The following ROBO3 variants were observed in gnomAD, a reference collection of about 807,000 sequenced individuals.
The protein encoded by ROBO3 is roundabout guidance receptor 3, also known as roundabout homolog 3.
In ROBO3, 97 loss-of-function variants were observed where a neutral mutation model predicts 160.5. That is an observed-to-expected ratio of 0.60 (90% CI 0.51 to 0.72). The LOEUF is 0.72. ROBO3 is among the 30% of genes least tolerant of loss of function. The probability of loss-of-function intolerance (pLI) is 0.00; values close to 1 mark genes in which losing one functional copy is unlikely to be tolerated. For synonymous variants in ROBO3, 780 were observed against 746.2 expected (o/e 1.05, Z -0.74); for missense variants, 1,858 against 1,846.5 (o/e 1.01, Z -0.11).
rs1565309577 is a variant in ROBO3 at position 124,870,052 on chromosome 11, T to C, written c.750T>C (p.Ala250=). ...CGGGAGAACGGGAGAGTGCGGCAGC[T>C]GAAGTCATGGTACTGGGTAGGCACA... ...NMAGERESAA[A]EVMVLERPSF... is the part of the protein sequence containing the mutation. The change falls in exon 4 of 28, where the codon GCT becomes GCC. Residue 250 remains alanine, a synonymous_variant. Transcript: ENST00000397801. 1 of 1,614,022 alleles carries C rather than the reference T, an allele frequency of 6.2e-7. No individual in the cohort carries two copies. The highest frequency in any genetic ancestry group is 8.5e-7 in the Non-Finnish European group (1 of 1,179,896).
At position 124,869,035 on chromosome 11, in the gene ROBO3, C is replaced by G; in HGVS notation, c.394C>G (p.Arg132Gly). The G allele has an allele frequency of 6.2e-6, 10 of 1,602,172 alleles. No individual in the cohort carries two copies. Among genetic ancestry groups the G allele is most frequent in the Non-Finnish European group, 7.7e-6 (9 of 1,174,964 alleles). The change falls in exon 2 of 28, where the codon CGC becomes GGC. Residue 132 changes from arginine (R) to glycine (G), a missense_variant. Coordinates refer to ENST00000397801, the MANE Select transcript of ROBO3 (RefSeq NM_022370.4). The surrounding 1 kb of genome is among the most constrained non-coding windows in gnomAD (Gnocchi z 4.2). ...ALFFPRIVHG[R>G]RARPDEGVYT... ...CTTCTTCCCGCGCATCGTGCACGGG[C>G]GCCGCGCGCGGCCGGACGAAGGTGT...
Position 124,876,104 on chromosome 11 carries a change from GC to G in ROBO3, c.2576del (p.Pro859GlnfsTer145), listed in dbSNP as rs1187031685. On this transcript the variant is annotated frameshift_variant, in exon 16 of 28. Transcript: ENST00000397801. LOFTEE classifies it high-confidence loss of function. This position sits in a 1 kb window ranked among gnomAD's most constrained non-coding sequence, Gnocchi z 5.3. ...ATSAGVGVPS[A>X]PVLVQLPSPP... is the part of the protein sequence containing the mutation. ...CAGCGCAGGCGTGGGCGTGCCCAGT[GC>G]CCCAGTGCTGGTGCAGCTGCGTGAG... 1 of 1,605,484 alleles carries G rather than the reference GC, an allele frequency of 6.2e-7. No homozygotes were observed. The highest frequency in any genetic ancestry group is 8.5e-7 in the Non-Finnish European group (1 of 1,178,682).
At chr11:124,867,630 TTAAAA>T (rs1295199509) in intron 1 of ROBO3, among the ~76,000 whole-genome samples, 2 of 152,112 alleles carry the variant, frequency 1.3e-5, no homozygotes, top group Non-Finnish European at 2.9e-5. Context: ...CTCCAGGCAA[TTAAAA>T]TAAACTCAGA....
rs1172617580 is a variant in ROBO3 at position 124,877,504 on chromosome 11, C to T, written c.2847-15C>T. 2.5e-6 allele frequency: 4 copies of T among 1,600,594 alleles called. No homozygotes were observed. The South Asian group carries it at 3.4e-5, about 13-fold the overall frequency. On this transcript the variant is annotated splice_polypyrimidine_tract_variant and intron_variant, in intron 19 of 27. Transcript: ENST00000397801. ...TCAGGCTCTCCGTCCCCAACGCTCA[C>T]CTGCTCTCCCTCAGGCCACCCATGG... is the stretch of plus-strand genomic sequence containing the variant.
At chr11:124,874,016 G>C (rs1196112601) in intron 11 of ROBO3, 54 bp from the exon 12 acceptor site, 13 of 1,606,944 alleles carry the variant, frequency 8.1e-6, no homozygotes, top group African/African-American at 4.0e-5. Context: ...AGATGGAGTA[G>C]GCAGGTTGGG....
chr11:124,872,958 T>C lies in ROBO3; in HGVS notation c.1405T>C (p.Trp469Arg). 1 of 1,613,310 alleles carries C rather than the reference T, an allele frequency of 6.2e-7. No individual in the cohort carries two copies. Among genetic ancestry groups the C allele is most frequent in the Non-Finnish European group, 8.5e-7 (1 of 1,179,830 alleles). Residue 469 changes from tryptophan (W) to arginine (R), a missense_variant, in exon 9 of 28, where the codon TGG (tryptophan) becomes CGG (arginine). By Grantham distance (101) the Trp-to-Arg change is moderately radical. Coordinates refer to ENST00000397801, the MANE Select transcript of ROBO3 (RefSeq NM_022370.4). The surrounding 1 kb of genome is among the most constrained non-coding windows in gnomAD (Gnocchi z 4.3). ...GACGCTGGTGCTTGGCTCCTCCGTG[T>C]GGCTGCCCTGCAGAGTGACTGGGAA... ...NQTLVLGSSV[W>R]LPCRVTGNPQ...
chr11:124,866,221 C>T (rs530494907), intron 1 of ROBO3, among the ~76,000 whole-genome samples: 1 of 152,176 alleles, frequency 6.6e-6, no homozygotes, highest in African/African-American at 2.4e-5. Flanking sequence ...GTGTTTGCTA[C>T]GGAGGGGATA....
chr11:124,873,060 A>C lies in ROBO3; in HGVS notation c.1507A>C (p.Asn503His). 2 of 1,613,886 alleles carry C rather than the reference A, an allele frequency of 1.2e-6. No individual in the cohort carries two copies. The highest frequency in any genetic ancestry group is 1.7e-6 in the Non-Finnish European group (2 of 1,179,832). The change falls in exon 9 of 28, where the codon AAC (asparagine) becomes CAC (histidine). Residue 503 changes from asparagine to histidine, a missense_variant. Coordinates refer to ENST00000397801, the MANE Select transcript of ROBO3 (RefSeq NM_022370.4). The surrounding 1 kb of genome is among the most constrained non-coding windows in gnomAD (Gnocchi z 4.5). ...TGACCTCCAGTTCAAGACAATGGCCAACGGTACCCTGTACATCGCCAATGT... is the reference window on the plus strand; with the variant it reads ...TGACCTCCAGTTCAAGACAATGGCCCACGGTACCCTGTACATCGCCAATGT... ...GDDLQFKTMA[N>H]GTLYIANVQE...
chr11:124,868,394 T>C, intron 1 of ROBO3: 1 of 480,778 alleles, frequency 2.1e-6, no homozygotes. Context: ...GGTCTTTCAC[T>C]GAGCAAGGAC....
chr11:124,870,709 T>TG lies in ROBO3; in HGVS notation c.1016dup (p.Ser340LeufsTer71). On this transcript the variant is annotated frameshift_variant, in exon 6 of 28. Transcript: ENST00000397801. LOFTEE classifies it high-confidence loss of function. ...ACAGTGTGGGCCGCGCTGAAGCATC[T>TG]GGCTCCCTCAGTGTTCACGGTGAGG... 2 of 1,612,030 alleles carry TG rather than the reference T, an allele frequency of 1.2e-6. No individual in the cohort carries two copies. The highest frequency in any genetic ancestry group is 8.5e-7 in the Non-Finnish European group (1 of 1,179,182).
In ROBO3 at chr11:124,881,122, G is replaced by A. The variant is rs1946571924; in HGVS notation, c.4150-117G>A. The A allele has an allele frequency of 5.3e-6, 5 of 944,808 alleles. No individual in the cohort carries two copies. The South Asian group carries it at 7.3e-5, about 14-fold the overall frequency. 58.5% of individuals were successfully genotyped at this position (944,808 alleles called of 1,614,324 possible). A position where few individuals can be genotyped will look rare whatever the true frequency, so the allele number is the denominator to read the frequency against. On this transcript the variant is annotated intron_variant, in intron 27 of 27. Transcript: ENST00000397801. ...TGAGGACAAGATGACACATAATAGA[G>A]GAGCCTGGGCTCACCGTAGGAGAAC...
chr11:124,875,836 G>A, intron 15 of ROBO3, 118 bp from the exon 16 acceptor site: 1 of 1,446,150 alleles, frequency 6.9e-7, no homozygotes, highest in Non-Finnish European at 9.6e-7. Flanking sequence ...GTTTCCAAGT[G>A]TTGTTTCCAG....
At position 124,874,867 on chromosome 11, in the gene ROBO3, G is replaced by A. The variant is rs2135332298; in HGVS notation, c.2031G>A (p.Glu677=). The A allele has an allele frequency of 2.5e-6, 4 of 1,602,108 alleles. No individual in the cohort carries two copies. Among genetic ancestry groups the A allele is most frequent in the Non-Finnish European group, 3.4e-6 (4 of 1,174,540 alleles). ...GLAEVAVRLQ[E]PIVLGPRTLQ... ...CGGAAGTGGCTGTGCGCCTGCAGGA[G>A]CCCATAGTCCTGGGACCCCGGACCC... The change falls in exon 13 of 28, where the codon GAG becomes GAA. Residue 677 remains glutamate, a synonymous_variant. Coordinates refer to ENST00000397801, the MANE Select transcript of ROBO3 (RefSeq NM_022370.4).
chr11:124,869,527 C>T lies in ROBO3; in HGVS notation c.565C>T (p.Pro189Ser), dbSNP rs888086094. 6 of 1,535,436 alleles carry T rather than the reference C, an allele frequency of 3.9e-6. No individual in the cohort carries two copies. In the Admixed American group the frequency reaches 7.8e-5, roughly 20 times the overall value. Residue 189 changes from proline to serine, a missense_variant, in exon 3 of 28, where the codon CCC (proline) becomes TCC (serine). Transcript: ENST00000397801. The surrounding 1 kb of genome is among the most constrained non-coding windows in gnomAD (Gnocchi z 4.2). ...GGAGCCAGCAGTACTGGAATGCGTG[C>T]CCCCCCGCGGCCACCCGGAGCCTTC... The part of the protein sequence containing the change: ...VGEPAVLECV[P>S]PRGHPEPSVS...
At chr11:124,870,104 T>C (rs757102627) in intron 4 of ROBO3, 36 bp downstream of exon 4, 1 of 1,613,908 alleles carries the variant, frequency 6.2e-7, no homozygotes, top group Non-Finnish European at 8.5e-7. Flanking sequence ...TGGGAACAGG[T>C]AGCCTGCAGA....
At chr11:124,877,732 C>G in intron 20 of ROBO3, 74 bp downstream of exon 20, 2 of 1,558,420 alleles carry the variant, frequency 1.3e-6, no homozygotes, top group East Asian at 2.4e-5. Context: ...GAAGGGCGCC[C>G]GGGAGCCCGG....
At chr11:124,871,607 G>A (rs1946280923) in intron 7 of ROBO3, among the ~76,000 whole-genome samples, 1 of 152,150 alleles carries the variant, frequency 6.6e-6, no homozygotes, top group Non-Finnish European at 1.5e-5. Flanking sequence ...CATCCCTTTT[G>A]AACCTTGCAA....
rs775237226 is a variant in ROBO3, at chr11:124,868,983, C to T, written c.342C>T (p.His114=). Residue 114 remains histidine, a synonymous_variant, in exon 2 of 28, where the codon CAC becomes CAT. Coordinates refer to ENST00000397801, the MANE Select transcript of ROBO3 (RefSeq NM_022370.4). ...VATVREDPRA[H]RLLLPSGALF... Reference sequence around the variant, plus strand: ...CTGTGCGGGAGGATCCGCGTGCGCACCGCCTGCTGCTGCCCAGCGGCGCCC... The same window carrying T: ...CTGTGCGGGAGGATCCGCGTGCGCATCGCCTGCTGCTGCCCAGCGGCGCCC... 92 of 1,601,426 alleles carry T rather than the reference C, an allele frequency of 5.7e-5. No homozygotes were observed. Among genetic ancestry groups the T allele is most frequent in the South Asian group, 2.6e-4 (23 of 89,180 alleles).
At chr11:124,877,872 C>T in intron 20 of ROBO3, 65 bp from the exon 21 acceptor site, 3 of 1,270,138 alleles carry the variant, frequency 2.4e-6, no homozygotes, top group African/African-American at 3.0e-5. Context: ...TTCCCTTTGT[C>T]TTCCATTCTG....
Sources: gnomAD v4.1 joint callset for allele counts (sites outside exome capture counted in the v4.1 genomes callset) on GRCh38, gnomAD v4.1.1 for gene constraint, Gnocchi (gnomAD v3.1) non-coding constraint, MANE v1.5 for transcripts, NCBI Gene and HGNC (gene_info 2026-07-23, HGNC 2026-07-21) for gene names.